The following ALYREF variants were observed in gnomAD, a reference collection of about 807,000 sequenced individuals.
ALYREF encodes the protein Aly/REF export factor, also known as THO complex subunit 4.
ALYREF carries 1 observed loss-of-function variant against 25.2 expected under a neutral mutation model. The observed-to-expected ratio is 0.04, with a 90% CI of 0.01 to 0.19. ALYREF has a LOEUF of 0.19. ALYREF is among the 10% of genes least tolerant of loss of function. The probability of loss-of-function intolerance (pLI) is 1.00; values close to 1 mark genes in which losing one functional copy is unlikely to be tolerated. For synonymous variants in ALYREF, 193 were observed against 153.5 expected (o/e 1.26, Z -1.90); for missense variants, 328 against 375.6 (o/e 0.87, Z 1.05).
In ALYREF at chr17:81,891,485, C is replaced by G. The variant is rs1384789190; in HGVS notation, c.96G>C (p.Gly32=). 2 of 1,227,278 alleles carry G rather than the reference C, an allele frequency of 1.6e-6. No individual in the cohort carries two copies. Among genetic ancestry groups the G allele is most frequent in the African/African-American group, 3.2e-5 (2 of 62,414 alleles). 76.0% of individuals were successfully genotyped at this position (1,227,278 alleles called of 1,614,324 possible). Residue 32 remains glycine, a synonymous_variant, in exon 1 of 6, where the codon GGG becomes GGC. Transcript: ENST00000505490. ...AGCCGGCCCGGCCGCGGCCCCGGCC[C>G]CCGCCCCGGCCGCCTCGCTGGCTCC... is the stretch of plus-strand genomic sequence containing the variant. ...LNRSQRGGRG[G]GRGRGRAGSQ...
rs1255815464 is a variant in ALYREF at position 81,890,868 on chromosome 17, G to T, written c.259-48C>A. On this transcript the variant is annotated intron_variant, in intron 1 of 5. Coordinates refer to ENST00000505490, the MANE Select transcript of ALYREF (RefSeq NM_005782.4). ...AGCAGATCTGTGAGTCTCAGTCCAGGGCTTTCCTGACCCTCACGGCTACTC... is the reference window on the plus strand; with the variant it reads ...AGCAGATCTGTGAGTCTCAGTCCAGTGCTTTCCTGACCCTCACGGCTACTC... 7 of 1,613,196 alleles carry T rather than the reference G, an allele frequency of 4.3e-6. No individual in the cohort carries two copies. In the South Asian group the frequency reaches 7.7e-5, roughly 18 times the overall value.
intron 3 of ALYREF, 86 bp downstream of exon 3, chr17:81,889,096 G>C (rs2039468455): frequency 1.3e-6 from 2 of 1,563,984 alleles, no homozygotes; most frequent in Non-Finnish European, 1.7e-6. Context: ...CTCAGCCACA[G>C]GGGTACCCCA....
chr17:81,888,738 A>G lies in ALYREF; in HGVS notation c.539-155T>C. 6.8e-7 allele frequency: 1 copy of G among 1,463,076 alleles called. No homozygotes were observed. The highest frequency in any genetic ancestry group is 2.5e-5 in the East Asian group (1 of 40,014). The allele number at this position is 1,463,076 out of a possible 1,614,324, so 90.6% of individuals were successfully genotyped here. On this transcript the variant is annotated intron_variant, in intron 3 of 5. Coordinates refer to ENST00000505490, the MANE Select transcript of ALYREF (RefSeq NM_005782.4). The surrounding 1 kb of genome is among the most constrained non-coding windows in gnomAD (Gnocchi z 5.8). Reference sequence around the variant, plus strand: ...GAAATGGCCTGGAGATACTGGTGGGAGAACAAAATGGCAAGGAAGCAACCC... The same window carrying G: ...GAAATGGCCTGGAGATACTGGTGGGGGAACAAAATGGCAAGGAAGCAACCC...
intron 2 of ALYREF, 34 bp downstream of exon 2, chr17:81,890,655 G>A (rs1426618914): frequency 1.9e-6 from 3 of 1,608,176 alleles, no homozygotes; most frequent in African/African-American, 2.7e-5. Context: ...CCTGTGCAGG[G>A]CGAACGGCTC....
Position 81,888,478 on chromosome 17 carries a change from C to T in ALYREF, c.602+42G>A. Reference sequence around the variant, plus strand: ...AAGGACCCTAAGAGCGACGCAGCCTCACCCTCGGCCAATCCCCTTCCCCAG... The same window carrying T: ...AAGGACCCTAAGAGCGACGCAGCCTTACCCTCGGCCAATCCCCTTCCCCAG... On this transcript the variant is annotated intron_variant, in intron 4 of 5. Coordinates refer to ENST00000505490, the MANE Select transcript of ALYREF (RefSeq NM_005782.4). The surrounding 1 kb of genome is among the most constrained non-coding windows in gnomAD (Gnocchi z 5.8). 1.2e-6 allele frequency: 2 copies of T among 1,602,220 alleles called. No individual in the cohort carries two copies. Among genetic ancestry groups the T allele is most frequent in the Non-Finnish European group, 1.7e-6 (2 of 1,172,914 alleles).
In ALYREF at chr17:81,889,195, G is replaced by T; in HGVS notation, c.525C>A (p.Gly175=). The T allele has an allele frequency of 1.2e-6, 2 of 1,614,124 alleles. No homozygotes were observed. The highest frequency in any genetic ancestry group is 1.7e-6 in the Non-Finnish European group (2 of 1,179,984). Reference sequence around the variant, plus strand: ...CCCCAGACTCACCATCCAGAGGGACGCCGTTGTACTGCTTCATGGCCTTCA... The same window carrying T: ...CCCCAGACTCACCATCCAGAGGGACTCCGTTGTACTGCTTCATGGCCTTCA... ...DALKAMKQYN[G]VPLDGRPMNI... Residue 175 remains glycine, a synonymous_variant, in exon 3 of 6, where the codon GGC becomes GGA. Coordinates refer to ENST00000505490, the MANE Select transcript of ALYREF (RefSeq NM_005782.4).
In ALYREF at chr17:81,888,401, A is replaced by G. The variant is rs1238841816; in HGVS notation, c.620T>C (p.Met207Thr). 5 of 1,599,658 alleles carry G rather than the reference A, an allele frequency of 3.1e-6. No individual in the cohort carries two copies. The highest frequency in any genetic ancestry group is 2.7e-5 in the African/African-American group (2 of 74,592). The change falls in exon 5 of 6, where the codon ATG becomes ACG. Residue 207 changes from methionine to threonine, a missense_variant. Coordinates refer to ENST00000505490, the MANE Select transcript of ALYREF (RefSeq NM_005782.4). This position sits in a 1 kb window ranked among gnomAD's most constrained non-coding sequence, Gnocchi z 5.8. ...ACCTCCAGCGCCACGGTTTCTAGTC[A>G]TGCCACCTCTGTTTACGCTAGCAAG... Reference protein sequence around the residue: ...RPAQSVNRGGMTRNRGAGGFG... With the variant: ...RPAQSVNRGGTTRNRGAGGFG...
chr17:81,891,445 C>A lies in ALYREF; in HGVS notation c.136G>T (p.Gly46Cys). 1 of 1,022,114 alleles carries A rather than the reference C, an allele frequency of 9.8e-7. No homozygotes were observed. Among genetic ancestry groups the A allele is most frequent in the South Asian group, 4.4e-5 (1 of 22,516 alleles). The allele number at this position is 1,022,114 out of a possible 1,614,324, so 63.3% of individuals were successfully genotyped here. ...RGRAGSQGGR[G>C]GGAQAAARVN... ...CGCGCGGCGGCCTGCGCCCCACCGC[C>A]GCGGCCGCCCTGGGAGCCGGCCCGG... is the stretch of plus-strand genomic sequence containing the variant. The change falls in exon 1 of 6, where the codon GGC (glycine) becomes TGC (cysteine). Residue 46 changes from glycine to cysteine, a missense_variant. Gly to Cys is a radical substitution (Grantham distance 159, BLOSUM62 -3). This residue lies in a region of ALYREF where 150 missense variants were observed against 135.3 expected (regional missense o/e 1.11). Coordinates refer to ENST00000505490, the MANE Select transcript of ALYREF (RefSeq NM_005782.4).
chr17:81,888,928 G>A lies in ALYREF; in HGVS notation c.538+254C>T, dbSNP rs1187756309. 1 of 1,412,552 alleles carries A rather than the reference G, an allele frequency of 7.1e-7. No individual in the cohort carries two copies. The highest frequency in any genetic ancestry group is 9.2e-7 in the Non-Finnish European group (1 of 1,085,548). The allele number at this position is 1,412,552 out of a possible 1,614,324, so 87.5% of individuals were successfully genotyped here. On this transcript the variant is annotated intron_variant, in intron 3 of 5. Coordinates refer to ENST00000505490, the MANE Select transcript of ALYREF (RefSeq NM_005782.4). This position sits in a 1 kb window ranked among gnomAD's most constrained non-coding sequence, Gnocchi z 5.8. ...CTCAGAGGTGTACTATGGCGGTTCTGAGAAGGCTTCACAGAAGTGAATCTT... is the reference window on the plus strand; with the variant it reads ...CTCAGAGGTGTACTATGGCGGTTCTAAGAAGGCTTCACAGAAGTGAATCTT...
intron 1 of ALYREF, 68 bp from the exon 2 acceptor site, chr17:81,890,888 C>G: frequency 6.2e-7 from 1 of 1,605,126 alleles, no homozygotes; most frequent in Non-Finnish European, 8.5e-7. Context: ...ACCCTCACGG[C>G]TACTCCGGAC....
rs1469710434 is a variant in ALYREF, at chr17:81,887,968, A to G, written c.*163T>C. On this transcript the variant is annotated 3_prime_UTR_variant, in exon 6 of 6. Coordinates refer to ENST00000505490, the MANE Select transcript of ALYREF (RefSeq NM_005782.4). ...GGTCTGTTTCAGAATTAAAAAAAAA[A>G]AAAAAGAAAAAAAAAAAACCTTTAC... The G allele has an allele frequency of 8.5e-6, 7 of 826,964 alleles. No homozygotes were observed. Among genetic ancestry groups the G allele is most frequent in the African/African-American group, 5.3e-5 (3 of 57,080 alleles). 51.2% of individuals were successfully genotyped at this position (826,964 alleles called of 1,614,324 possible). A position where few individuals can be genotyped will look rare whatever the true frequency, so the allele number is the denominator to read the frequency against.
Position 81,891,350 on chromosome 17 carries a change from G to A in ALYREF, c.231C>T (p.Gly77=). 2 of 1,157,364 alleles carry A rather than the reference G, an allele frequency of 1.7e-6. No homozygotes were observed. Among genetic ancestry groups the A allele is most frequent in the Non-Finnish European group, 1.1e-6 (1 of 938,850 alleles). The allele number at this position is 1,157,364 out of a possible 1,614,324, so 71.7% of individuals were successfully genotyped here. Residue 77 remains glycine, a synonymous_variant, in exon 1 of 6, where the codon GGC becomes GGT. Transcript: ENST00000505490. The stretch of plus-strand genomic sequence containing the variant: ...TGCTGTAGGGCGCCGGTCGGTTCCT[G>A]CCGCCTCCGCCGGCCGCGCCGCGGG... ...AIARGAAGGG[G]RNRPAPYSRP...
intron 1 of ALYREF, 104 bp downstream of exon 1, chr17:81,891,219 C>T: frequency 2.0e-6 from 2 of 1,001,760 alleles, no homozygotes; most frequent in Non-Finnish European, 2.4e-6. Flanking sequence ...GCCGCTCCAC[C>T]AGCCTTATCC....
At position 81,888,107 on chromosome 17, in the gene ALYREF, C is replaced by G. The variant is rs1355707547; in HGVS notation, c.*24G>C. 4.3e-6 allele frequency: 7 copies of G among 1,613,820 alleles called. No homozygotes were observed. The highest frequency in any genetic ancestry group is 5.9e-6 in the Non-Finnish European group (7 of 1,180,026). ...CAAGAGGAGACGCCTGGGTCCTGTT[C>G]CGCACGCGGATTTGCTGGTCTGTTT... is the stretch of plus-strand genomic sequence containing the variant. On this transcript the variant is annotated 3_prime_UTR_variant, in exon 6 of 6. Transcript: ENST00000505490. The surrounding 1 kb of genome is among the most constrained non-coding windows in gnomAD (Gnocchi z 5.8).
In ALYREF at chr17:81,890,698, G is replaced by A; in HGVS notation, c.381C>T (p.Ala127=). ...VSNLDFGVSD[A]DIQELFAEFG... ...AGCCCTCGTCTCTTACCTGAATATCGGCGTCTGAGACTCCAAAATCCAGAT... is the reference window on the plus strand; with the variant it reads ...AGCCCTCGTCTCTTACCTGAATATCAGCGTCTGAGACTCCAAAATCCAGAT... The change falls in exon 2 of 6, where the codon GCC becomes GCT. Residue 127 remains alanine, a synonymous_variant. Transcript: ENST00000505490. 1 of 1,613,356 alleles carries A rather than the reference G, an allele frequency of 6.2e-7. No homozygotes were observed. The highest frequency in any genetic ancestry group is 8.5e-7 in the Non-Finnish European group (1 of 1,179,862).
At position 81,891,537 on chromosome 17, in the gene ALYREF, G is replaced by A; in HGVS notation, c.44C>T (p.Ser15Phe). The A allele has an allele frequency of 7.0e-7, 1 of 1,436,956 alleles. No homozygotes were observed. The highest frequency in any genetic ancestry group is 9.1e-7 in the Non-Finnish European group (1 of 1,093,798). 89.0% of individuals were successfully genotyped at this position (1,436,956 alleles called of 1,614,324 possible). Residue 15 changes from serine to phenylalanine, a missense_variant, in exon 1 of 6, where the codon TCT becomes TTT. This residue lies in a region of ALYREF where 150 missense variants were observed against 135.3 expected (regional missense o/e 1.11). Coordinates refer to ENST00000505490, the MANE Select transcript of ALYREF (RefSeq NM_005782.4). Reference protein sequence around the residue: ...APAMADKMDMSLDDIIKLNRS... With the variant: ...APAMADKMDMFLDDIIKLNRS... ...GTTCAGTTTAATGATGTCGTCCAGA[G>A]ACATGTCCATTTTGTCGGCCATGGC...
At chr17:81,889,107 T>C in intron 3 of ALYREF, 75 bp downstream of exon 3, 1 of 1,583,038 alleles carries the variant, frequency 6.3e-7, no homozygotes, top group Non-Finnish European at 8.6e-7. Context: ...GGGTACCCCA[T>C]ATTCCTACCT....
rs2039458309 is a variant in ALYREF, at chr17:81,888,205, T to C, written c.780+36A>G. 2 of 1,613,956 alleles carry C rather than the reference T, an allele frequency of 1.2e-6. No individual in the cohort carries two copies. Among genetic ancestry groups the C allele is most frequent in the Non-Finnish European group, 8.5e-7 (1 of 1,179,980 alleles). On this transcript the variant is annotated intron_variant, in intron 5 of 5. Coordinates refer to ENST00000505490, the MANE Select transcript of ALYREF (RefSeq NM_005782.4). The surrounding 1 kb of genome is among the most constrained non-coding windows in gnomAD (Gnocchi z 5.8). ...AGGCGGCCTGCTCCCCACTGCGGCT[T>C]TGACCAGGCCCCCAGCTGGCTCCCC... is the stretch of plus-strand genomic sequence containing the variant.
Position 81,888,345 on chromosome 17 carries a change from T to A in ALYREF, c.676A>T (p.Thr226Ser). The stretch of plus-strand genomic sequence containing the variant: ...CCTCTTCCACGGGCGCCTCCGCGGG[T>A]GCCTCTCCGGGTGCCTCCACCACCA... ...FGGGGGTRRG[T>S]RGGARGRGRG... The change falls in exon 5 of 6, where the codon ACC (threonine) becomes TCC (serine). Residue 226 changes from threonine (T) to serine (S), a missense_variant. Coordinates refer to ENST00000505490, the MANE Select transcript of ALYREF (RefSeq NM_005782.4). The surrounding 1 kb of genome is among the most constrained non-coding windows in gnomAD (Gnocchi z 5.8). 1 of 1,604,256 alleles carries A rather than the reference T, an allele frequency of 6.2e-7. No homozygotes were observed. Among genetic ancestry groups the A allele is most frequent in the South Asian group, 1.1e-5 (1 of 90,862 alleles).
Sources: gnomAD v4.1 joint callset for allele counts on GRCh38, gnomAD v4.1.1 for gene constraint, gnomAD v4.1.1 regional missense constraint, Gnocchi (gnomAD v3.1) non-coding constraint, MANE v1.5 for transcripts, NCBI Gene and HGNC (gene_info 2026-07-23, HGNC 2026-07-21) for gene names.